ZNF473: variants seen among roughly 807,000 people sequenced by gnomAD.
ZNF473 encodes zinc finger protein 100 homolog.
Under a neutral mutation model 11.1 loss-of-function variants are expected in ZNF473, and 4 were observed. The ratio of observed to expected loss-of-function variants is 0.36; its 90% CI spans 0.18 to 0.82. The LOEUF (loss-of-function observed/expected upper bound fraction) is 0.82. Ranked by LOEUF, ZNF473 falls within the 40% of genes least tolerant of loss-of-function variation. The probability of loss-of-function intolerance (pLI) is 0.49; values close to 1 mark genes in which losing one functional copy is unlikely to be tolerated. For missense variants in ZNF473, 854 were observed against 1,084.0 expected (o/e 0.79, Z 2.98); for synonymous variants, 404 against 390.4 (o/e 1.03, Z -0.41).
In ZNF473 at chr19:50,045,546, C is replaced by A; in HGVS notation, c.1103C>A (p.Thr368Asn). ...AAACACCTCATCCAACATCAGAAAA[C>A]TCACGCTGCAAAAACTACCTCTGAG... is the stretch of plus-strand genomic sequence containing the variant. ...LRKHLIQHQK[T>N]HAAKTTSECQ... is the part of the protein sequence containing the mutation. The change falls in exon 5 of 5, where the codon ACT becomes AAT. Residue 368 changes from threonine (T) to asparagine (N), a missense_variant. Thr to Asn is a moderately conservative substitution (Grantham distance 65). Around this residue, in one of 2 missense-constraint regions of ZNF473, gnomAD observed 668 missense variants for 790.2 expected, o/e 0.85. Coordinates refer to ENST00000270617, the MANE Select transcript of ZNF473 (RefSeq NM_015428.4). The A allele has an allele frequency of 6.2e-7, 1 of 1,614,200 alleles. No homozygotes were observed. The highest frequency in any genetic ancestry group is 8.5e-7 in the Non-Finnish European group (1 of 1,180,032).
In ZNF473 at chr19:50,048,697, G is replaced by T. The variant is rs1979281780; in HGVS notation, c.*1638G>T. The T allele has an allele frequency of 2.0e-5, 3 of 152,260 alleles. No individual in the cohort carries two copies. The highest frequency in any genetic ancestry group is 4.4e-5 in the Non-Finnish European group (3 of 68,066). 9.4% of individuals were successfully genotyped at this position (152,260 alleles called of 1,614,324 possible). A position where few individuals can be genotyped will look rare whatever the true frequency, so the allele number is the denominator to read the frequency against. On this transcript the variant is annotated 3_prime_UTR_variant, in exon 5 of 5. Transcript: ENST00000270617. ...GGGGCAGTCTGTAAATCAGTCACCT[G>T]TGTTGCTGCAGGCCAAGGTAGAAAC...
chr19:50,031,098 T>G lies in ZNF473; in HGVS notation c.9+7T>G. 1 of 1,566,174 alleles carries G rather than the reference T, an allele frequency of 6.4e-7. No individual in the cohort carries two copies. Among genetic ancestry groups the G allele is most frequent in the African/African-American group, 1.4e-5 (1 of 73,688 alleles). On this transcript the variant is annotated splice_region_variant and intron_variant, in intron 2 of 4. Transcript: ENST00000270617. ...CCAGTTGGCCATGGCTGAGGTGAGT[T>G]GAAGGTCGCTCTGTCCTAATCGGTC...
At chr19:50,027,807 C>T (rs2077294727) in intron 1 of ZNF473, among the ~76,000 whole-genome samples, 1 of 152,056 alleles carries the variant, frequency 6.6e-6, no homozygotes, top group African/African-American at 2.4e-5. Flanking sequence ...CCTGCCTCAG[C>T]CTCCCAAGCA....
Position 50,046,666 on chromosome 19 carries a change from G to C in ZNF473, c.2223G>C (p.Leu741=), listed in dbSNP as rs1555735926. 6.2e-7 allele frequency: 1 copy of C among 1,614,220 alleles called. No homozygotes were observed. The highest frequency in any genetic ancestry group is 8.5e-7 in the Non-Finnish European group (1 of 1,180,038). ...VCDYCGKAFG[L]SAELVRHQRI... ...ATTACTGCGGGAAGGCCTTCGGCCTGAGTGCTGAGCTTGTCCGCCACCAGA... is the reference window on the plus strand; with the variant it reads ...ATTACTGCGGGAAGGCCTTCGGCCTCAGTGCTGAGCTTGTCCGCCACCAGA... Residue 741 remains leucine (L), a synonymous_variant, in exon 5 of 5, where the codon CTG becomes CTC. Transcript: ENST00000270617. The surrounding 1 kb of genome is among the most constrained non-coding windows in gnomAD (Gnocchi z 5.9).
In ZNF473 at chr19:50,045,152, A is replaced by G; in HGVS notation, c.709A>G (p.Thr237Ala). The G allele has an allele frequency of 6.2e-7, 1 of 1,614,234 alleles. No homozygotes were observed. Among genetic ancestry groups the G allele is most frequent in the Non-Finnish European group, 8.5e-7 (1 of 1,180,052 alleles). Reference sequence around the variant, plus strand: ...GATCACTCATACTAGGGAGAAACCCACTGTCCATCAAGAGTGTGAGCAAGG... The same window carrying G: ...GATCACTCATACTAGGGAGAAACCCGCTGTCCATCAAGAGTGTGAGCAAGG... ...HWITHTREKP[T>A]VHQECEQGFD... is the part of the protein sequence containing the mutation. Residue 237 changes from threonine to alanine, a missense_variant, in exon 5 of 5, where the codon ACT (threonine) becomes GCT (alanine). By Grantham distance (58) the Thr-to-Ala change is moderately conservative. Transcript: ENST00000270617.
At chr19:50,035,633 T>C (rs928913530) in intron 2 of ZNF473, among the ~76,000 whole-genome samples, 3 of 152,150 alleles carry the variant, frequency 2.0e-5, no homozygotes, top group African/African-American at 7.2e-5. Flanking sequence ...AGGTGCTTGG[T>C]CATCATTGGA....
At chr19:50,034,042 AG>A (rs1320409413) in intron 2 of ZNF473, among the ~76,000 whole-genome samples, 1 of 152,212 alleles carries the variant, frequency 6.6e-6, no homozygotes, top group Non-Finnish European at 1.5e-5. Flanking sequence ...GACAATCTAC[AG>A]GATATCTCAA....
chr19:50,031,008 CCA>C lies in ZNF473; in HGVS notation c.-72_-71del. 1 of 1,549,766 alleles carries C rather than the reference CCA, an allele frequency of 6.5e-7. No individual in the cohort carries two copies. Among genetic ancestry groups the C allele is most frequent in the Non-Finnish European group, 8.7e-7 (1 of 1,145,564 alleles). ...CTTTCTCACAGCTCCCTTGTGCTTC[CCA>C]CAGCCCTGCCAGCCGGGAACACGGA... On this transcript the variant is annotated 5_prime_UTR_variant, in exon 2 of 5. The change abolishes the stop of an existing upstream ORF in the 5' untranslated region. Coordinates refer to ENST00000270617, the MANE Select transcript of ZNF473 (RefSeq NM_015428.4).
chr19:50,030,283 G>A (rs527544670), intron 1 of ZNF473, among the ~76,000 whole-genome samples: 4 of 152,268 alleles, frequency 2.6e-5, no homozygotes, highest in African/African-American at 4.8e-5. Flanking sequence ...CCACGAGGGC[G>A]GCTTACTTGA....
rs1979100688 is a variant in ZNF473, at chr19:50,046,094, T to C, written c.1651T>C (p.Leu551=). The stretch of plus-strand genomic sequence containing the variant: ...AGGATTTTTTGTGAGTGGGAAGATC[T>C]TGGATCAGAACCCAGAACAGAAAGA... ...KQGFFVSGKI[L]DQNPEQKEKC... The change falls in exon 5 of 5, where the codon TTG becomes CTG. Residue 551 remains leucine, a synonymous_variant. Transcript: ENST00000270617. The surrounding 1 kb of genome is among the most constrained non-coding windows in gnomAD (Gnocchi z 5.9). 2 of 1,614,194 alleles carry C rather than the reference T, an allele frequency of 1.2e-6. No homozygotes were observed. The highest frequency in any genetic ancestry group is 2.2e-5 in the East Asian group (1 of 44,890).
intron 2 of ZNF473, among the ~76,000 whole-genome samples, chr19:50,036,901 C>T (rs1309303617): frequency 2.0e-5 from 3 of 152,098 alleles, no homozygotes; most frequent in African/African-American, 7.2e-5. Context: ...ATAAATTACC[C>T]AGTTATAGCA....
intron 1 of ZNF473, among the ~76,000 whole-genome samples, chr19:50,028,740 C>G (rs950008303): frequency 6.6e-6 from 1 of 152,080 alleles, no homozygotes; most frequent in Non-Finnish European, 1.5e-5. Context: ...TGAAATTTCC[C>G]AATTTTCAAG....
intron 2 of ZNF473, among the ~76,000 whole-genome samples, chr19:50,037,104 A>G (rs1978489588): frequency 6.6e-6 from 1 of 152,144 alleles, no homozygotes; most frequent in African/African-American, 2.4e-5. Flanking sequence ...TTGCAGTCAG[A>G]TGCCTGGAGG....
intron 1 of ZNF473, among the ~76,000 whole-genome samples, chr19:50,028,906 T>G (rs1036819047): frequency 6.6e-6 from 1 of 152,248 alleles, no homozygotes; most frequent in African/African-American, 2.4e-5. Context: ...AATTAGCATT[T>G]ATTGTAGGTC....
In ZNF473 at chr19:50,046,785, C is replaced by A; in HGVS notation, c.2342C>A (p.Thr781Asn). Residue 781 changes from threonine (T) to asparagine (N), a missense_variant, in exon 5 of 5, where the codon ACT becomes AAT. Transcript: ENST00000270617. The surrounding 1 kb of genome is among the most constrained non-coding windows in gnomAD (Gnocchi z 5.9). The part of the protein sequence containing the change: ...SCLSIHRRVH[T>N]GEKPYRCGEC... The stretch of plus-strand genomic sequence containing the variant: ...CTTTCTATTCACCGGAGAGTTCACA[C>A]TGGGGAGAAGCCCTACAGATGTGGT... The A allele has an allele frequency of 1.2e-6, 2 of 1,614,176 alleles. No homozygotes were observed. Among genetic ancestry groups the A allele is most frequent in the Non-Finnish European group, 1.7e-6 (2 of 1,180,014 alleles).
intron 1 of ZNF473, among the ~76,000 whole-genome samples, chr19:50,027,249 T>C (rs1020143486): frequency 6.6e-6 from 1 of 152,234 alleles, no homozygotes; most frequent in Non-Finnish European, 1.5e-5. Flanking sequence ...TTCACACTTA[T>C]GAGAACATTA....
intron 4 of ZNF473, among the ~76,000 whole-genome samples, chr19:50,044,303 G>A (rs190485575): frequency 1.3e-5 from 2 of 152,306 alleles, no homozygotes; most frequent in Admixed American, 1.3e-4. Context: ...TGGTGGTGTG[G>A]GGAGAGCGGG....
Position 50,045,698 on chromosome 19 carries a change from A to G in ZNF473, c.1255A>G (p.Lys419Glu). Reference protein sequence around the residue: ...GKSFRHNSTLKIHQRVHSGEK... With the variant: ...GKSFRHNSTLEIHQRVHSGEK... Reference sequence around the variant, plus strand: ...ATCCTTCAGGCATAACTCTACCCTAAAGATCCATCAGAGGGTTCACAGTGG... The same window carrying G: ...ATCCTTCAGGCATAACTCTACCCTAGAGATCCATCAGAGGGTTCACAGTGG... Residue 419 changes from lysine (K) to glutamate (E), a missense_variant, in exon 5 of 5, where the codon AAG becomes GAG. Lys to Glu is a moderately conservative substitution (Grantham distance 56, BLOSUM62 1). Coordinates refer to ENST00000270617, the MANE Select transcript of ZNF473 (RefSeq NM_015428.4). 1 of 1,614,142 alleles carries G rather than the reference A, an allele frequency of 6.2e-7. No homozygotes were observed. Among genetic ancestry groups the G allele is most frequent in the South Asian group, 1.1e-5 (1 of 91,080 alleles).
rs1302328543 is a variant in ZNF473 at position 50,047,174 on chromosome 19, A to AAGTT, written c.*116_*119dup. The AAGTT allele has an allele frequency of 1.1e-6, 1 of 899,052 alleles. No homozygotes were observed. Among genetic ancestry groups the AAGTT allele is most frequent in the Non-Finnish European group, 1.6e-6 (1 of 607,690 alleles). The allele number at this position is 899,052 out of a possible 1,614,324, so 55.7% of individuals were successfully genotyped here. On this transcript the variant is annotated 3_prime_UTR_variant, in exon 5 of 5. Transcript: ENST00000270617. Reference sequence around the variant, plus strand: ...TAAATGCATCTAAAGATTGATTAGAAAGTTTGTGCGCATGTTTTTCATTAT... The same window carrying AAGTT: ...TAAATGCATCTAAAGATTGATTAGAAAGTTAGTTTGTGCGCATGTTTTTCATTAT...
Sources: gnomAD v4.1 joint callset for allele counts (sites outside exome capture counted in the v4.1 genomes callset) on GRCh38, gnomAD v4.1.1 for gene constraint, gnomAD v4.1.1 regional missense constraint, Gnocchi (gnomAD v3.1) non-coding constraint, MANE v1.5 for transcripts, NCBI Gene and HGNC (gene_info 2026-07-23, HGNC 2026-07-21) for gene names.